Variants in MSH3 observed in about 807,000 individuals in gnomAD.
MSH3 encodes the protein DNA mismatch repair protein Msh3.
MSH3 carries 106 observed loss-of-function variants against 123.3 expected under a neutral mutation model. The observed-to-expected ratio is 0.86, with a 90% CI of 0.73 to 1.01. The LOEUF is 1.01. MSH3 is among the 50% of genes least tolerant of loss of function. The pLI is 0.00. For synonymous variants in MSH3, 515 were observed against 481.4 expected (o/e 1.07, Z -0.91); for missense variants, 1,459 against 1,347.6 (o/e 1.08, Z -1.29).
rs529886989 is a variant in MSH3 at position 80,661,842 on chromosome 5, G to A, written c.359-3301G>A. On this transcript the variant is annotated intron_variant, in intron 2 of 23. Coordinates refer to ENST00000265081, the MANE Select transcript of MSH3 (RefSeq NM_002439.5). ...AATTAAATTCCTTTGGATCACTTTG[G>A]TCTTTTTAAGGATTGTTTTTAAACT... is the stretch of plus-strand genomic sequence containing the variant. Among the ~76,000 whole-genome samples, 233 of 152,260 alleles carry A rather than the reference G, an allele frequency of 1.5e-3. 3 individuals carry two copies. The South Asian group carries it at 0.046, about 30-fold the overall frequency.
chr5:80,669,195 C>T (rs1187183740), intron 3 of MSH3, among the ~76,000 whole-genome samples: 2 of 152,160 alleles, frequency 1.3e-5, no homozygotes, highest in South Asian at 2.1e-4. Context: ...TTGGGAACTA[C>T]AAAGTGTACA....
At chr5:80,745,148 G>A (rs1340850597) in intron 12 of MSH3, among the ~76,000 whole-genome samples, 1 of 152,296 alleles carries the variant, frequency 6.6e-6, no homozygotes, top group Admixed American at 6.5e-5. Context: ...TGAATCCAGT[G>A]CCTAACATAC....
chr5:80,746,370 T>C (rs987349147), intron 12 of MSH3: 2 of 402,864 alleles, frequency 5.0e-6, no homozygotes, highest in African/African-American at 4.2e-5. Context: ...TCGCTTGGCA[T>C]ACCTGGGTTT....
intron 10 of MSH3, among the ~76,000 whole-genome samples, chr5:80,736,207 C>G (rs184270830): frequency 6.6e-6 from 1 of 151,858 alleles, no homozygotes; most frequent in Non-Finnish European, 1.5e-5. Flanking sequence ...ACCTGGGTGA[C>G]TGAGCGAGAC....
intron 21 of MSH3, among the ~76,000 whole-genome samples, chr5:80,859,378 G>A (rs958507612): frequency 6.6e-6 from 1 of 151,966 alleles, no homozygotes; most frequent in Admixed American, 6.6e-5. Context: ...CATCTGCCTC[G>A]GCCTCCCAAA....
intron 3 of MSH3, among the ~76,000 whole-genome samples, chr5:80,667,926 C>T (rs1749608062): frequency 3.3e-5 from 5 of 152,132 alleles, no homozygotes; most frequent in Admixed American, 3.3e-4. Context: ...TGTTACAGCT[C>T]TTTTAGCCCT....
At chr5:80,759,975 T>C (rs1389737692) in intron 12 of MSH3, among the ~76,000 whole-genome samples, 3 of 152,208 alleles carry the variant, frequency 2.0e-5, no homozygotes, top group African/African-American at 7.2e-5. Flanking sequence ...ATAGAAGCTC[T>C]GTATTATGAA....
chr5:80,780,226 A>G (rs902118236), intron 17 of MSH3, among the ~76,000 whole-genome samples: 1 of 152,040 alleles, frequency 6.6e-6, no homozygotes. Context: ...TAGTGTAAAC[A>G]CTCCCACCAG....
At chr5:80,729,040 C>CTA (rs1743357544) in intron 10 of MSH3, 75 bp downstream of exon 10, 1 of 882,926 alleles carries the variant, frequency 1.1e-6, no homozygotes. Flanking sequence ...TTTGGTAGTA[C>CTA]TATACTTAGA....
At chr5:80,708,861 G>A (rs995477477) in intron 8 of MSH3, among the ~76,000 whole-genome samples, 5 of 151,884 alleles carry the variant, frequency 3.3e-5, no homozygotes, top group Non-Finnish European at 7.4e-5. Context: ...TTCAACCTCC[G>A]CCTCCTGGGT....
At chr5:80,711,515 T>A (rs1750858987) in intron 8 of MSH3, among the ~76,000 whole-genome samples, 1 of 152,160 alleles carries the variant, frequency 6.6e-6, no homozygotes, top group African/African-American at 2.4e-5. Context: ...AACTGGGTCT[T>A]CCTCACCTTG....
Position 80,755,699 on chromosome 5 carries a change from C to T in MSH3, c.1764-5847C>T, listed in dbSNP as rs78786233. Among the ~76,000 whole-genome samples, 1,448 of 152,234 alleles carry T rather than the reference C, an allele frequency of 9.5e-3. 10 individuals carry two copies. The highest frequency in any genetic ancestry group is 0.014 in the Non-Finnish European group (928 of 68,012). On this transcript the variant is annotated intron_variant, in intron 12 of 23. Coordinates refer to ENST00000265081, the MANE Select transcript of MSH3 (RefSeq NM_002439.5). Reference sequence around the variant, plus strand: ...GGAAATGGAAGTGAATTGACTGCTGCAGCTGCCCTCTGGGCTCCTGCAGAT... The same window carrying T: ...GGAAATGGAAGTGAATTGACTGCTGTAGCTGCCCTCTGGGCTCCTGCAGAT...
At chr5:80,850,528 C>T (rs1745813030) in intron 20 of MSH3, among the ~76,000 whole-genome samples, 1 of 152,180 alleles carries the variant, frequency 6.6e-6, no homozygotes, top group African/African-American at 2.4e-5. Flanking sequence ...GAGCAAGTCA[C>T]ATCTTATGGG....
chr5:80,866,700 A>G (rs1384387449), intron 22 of MSH3, among the ~76,000 whole-genome samples: 2 of 152,150 alleles, frequency 1.3e-5, no homozygotes, highest in African/African-American at 4.8e-5. Context: ...CTGTCCTTCC[A>G]GTATAGTCAT....
At chr5:80,820,194 C>A (rs1745182009) in intron 20 of MSH3, among the ~76,000 whole-genome samples, 1 of 152,182 alleles carries the variant, frequency 6.6e-6, no homozygotes, top group African/African-American at 2.4e-5. Flanking sequence ...CCCAATACTG[C>A]TGTGGATAAG....
chr5:80,759,954 C>T (rs1356634441), intron 12 of MSH3, among the ~76,000 whole-genome samples: 1 of 152,094 alleles, frequency 6.6e-6, no homozygotes, highest in Non-Finnish European at 1.5e-5. Flanking sequence ...AAAATGAGGC[C>T]TGAAGTTAGT....
rs764025716 is a variant in MSH3 at position 80,654,669 on chromosome 5, G to T, written c.-59G>T. 3 of 1,511,688 alleles carry T rather than the reference G, an allele frequency of 2.0e-6. No individual in the cohort carries two copies. The highest frequency in any genetic ancestry group is 2.6e-5 in the East Asian group (1 of 38,810). The allele number at this position is 1,511,688 out of a possible 1,614,324, so 93.6% of individuals were successfully genotyped here. A position where few individuals can be genotyped will look rare whatever the true frequency, so the allele number is the denominator to read the frequency against. ...GCGCCCGCAGACGCCTGGGAACTGC[G>T]GCCGCGGGCTCGCGCTCCTCGCCAG... is the stretch of plus-strand genomic sequence containing the variant. On this transcript the variant is annotated 5_prime_UTR_variant, in exon 1 of 24. Transcript: ENST00000265081.
rs1411328201 is a variant in MSH3, at chr5:80,778,812, G to C, written c.2411G>C (p.Ser804Thr). The stretch of plus-strand genomic sequence containing the variant: ...CGGGAGCAGCTAGTCCTTGACTGCA[G>C]TGCTGAATGGCTTGATTTTCTAGAG... Reference protein sequence around the residue: ...QLREQLVLDCSAEWLDFLEKF... With the variant: ...QLREQLVLDCTAEWLDFLEKF... The change falls in exon 17 of 24, where the codon AGT becomes ACT. Residue 804 changes from serine (S) to threonine (T), a missense_variant. Physicochemically the swap from Ser to Thr is moderately conservative, Grantham distance 58. Coordinates refer to ENST00000265081, the MANE Select transcript of MSH3 (RefSeq NM_002439.5). 6.3e-7 allele frequency: 1 copy of C among 1,592,670 alleles called. No individual in the cohort carries two copies. Among genetic ancestry groups the C allele is most frequent in the East Asian group, 2.2e-5 (1 of 44,742 alleles).
chr5:80,778,636 T>A, intron 16 of MSH3, 84 bp from the exon 17 acceptor site: 1 of 808,368 alleles, frequency 1.2e-6, no homozygotes, highest in Non-Finnish European at 2.2e-6. Flanking sequence ...CAGAGAATAA[T>A]AAATAACTAA....
Sources: allele counts gnomAD v4.1 joint callset (sites outside exome capture counted in the v4.1 genomes callset), GRCh38; gene constraint gnomAD v4.1.1; transcripts MANE v1.5; gene names NCBI Gene and HGNC (gene_info 2026-07-23, HGNC 2026-07-21).